The following PSME4 variants were observed in gnomAD, a reference collection of about 807,000 sequenced individuals.
PSME4 encodes the protein proteasome activator subunit 4.
Under a neutral mutation model 253.9 loss-of-function variants are expected in PSME4, and 89 were observed. That is an observed-to-expected ratio of 0.35 (90% CI 0.30 to 0.42). The LOEUF is 0.42. PSME4 is among the 10% of genes least tolerant of loss of function. The probability of loss-of-function intolerance (pLI) is 1.00; values close to 1 mark genes in which losing one functional copy is unlikely to be tolerated. For missense variants in PSME4, 2,014 were observed against 2,195.2 expected (o/e 0.92, Z 1.65); for synonymous variants, 851 against 759.2 (o/e 1.12, Z -1.99).
intron 3 of PSME4, 31 bp downstream of exon 3, chr2:53,948,390 C>A (rs772358517): frequency 2.1e-6 from 3 of 1,451,502 alleles, no homozygotes; most frequent in Admixed American, 1.7e-5. Context: ...CCAAGTACTC[C>A]CAAATAAGTG....
At chr2:53,927,310 G>A (rs780973494) in intron 12 of PSME4, 84 bp downstream of exon 12, 55 of 985,596 alleles carry the variant, frequency 5.6e-5, no homozygotes, top group African/African-American at 6.5e-5. Flanking sequence ...TTCCAAAGTC[G>A]TTTCTAAACT....
chr2:53,908,095 T>C (rs1037797378), intron 24 of PSME4: 23 of 486,510 alleles, frequency 4.7e-5, no homozygotes, highest in Non-Finnish European at 6.9e-5. Flanking sequence ...ATTGAGAGTT[T>C]AGAGACTGTC....
Position 53,931,881 on chromosome 2 carries a change from G to C in PSME4, c.1270C>G (p.Leu424Val), listed in dbSNP as rs1207055752. 1.2e-6 allele frequency: 2 copies of C among 1,614,104 alleles called. No individual in the cohort carries two copies. The highest frequency in any genetic ancestry group is 2.2e-5 in the East Asian group (1 of 44,890). The change falls in exon 10 of 47, where the codon CTT becomes GTT. Residue 424 changes from leucine (L) to valine (V), a missense_variant. Coordinates refer to ENST00000404125, the MANE Select transcript of PSME4 (RefSeq NM_014614.3). ...SLEAAQALQN[L>V]ALMRPELVIP... ...ACCAATTCAGGTCTCATGAGTGCAA[G>C]ATTCTGCAAAGCCTGGGCTGCTTCT...
intron 3 of PSME4, among the ~76,000 whole-genome samples, chr2:53,942,878 G>T (rs1669517213): frequency 6.6e-6 from 1 of 152,164 alleles, no homozygotes; most frequent in African/African-American, 2.4e-5. Flanking sequence ...TCTTGTCCCA[G>T]TTCTTAAGCT....
intron 3 of PSME4, among the ~76,000 whole-genome samples, chr2:53,941,160 T>C (rs1669436908): frequency 6.9e-6 from 1 of 144,656 alleles, no homozygotes; most frequent in South Asian, 2.2e-4. Flanking sequence ...TCACAAATAA[T>C]CAACATATTA....
At chr2:53,923,624 A>G (rs929882605) in intron 14 of PSME4, among the ~76,000 whole-genome samples, 5 of 152,186 alleles carry the variant, frequency 3.3e-5, no homozygotes, top group African/African-American at 1.2e-4. Flanking sequence ...TAACTTGAAC[A>G]AAATATTTTA....
In PSME4 at chr2:53,970,956, G is replaced by T; in HGVS notation, c.-172C>A. On this transcript the variant is annotated 5_prime_UTR_variant, in exon 1 of 47. Coordinates refer to ENST00000404125, the MANE Select transcript of PSME4 (RefSeq NM_014614.3). ...TGGCCGGCGTGCTGCTGGGCCCCACGCGGCTCTCAGTTCGTTGGCGGCGGC... is the reference window on the plus strand; with the variant it reads ...TGGCCGGCGTGCTGCTGGGCCCCACTCGGCTCTCAGTTCGTTGGCGGCGGC... 3.8e-6 allele frequency: 2 copies of T among 521,402 alleles called. No individual in the cohort carries two copies. Among genetic ancestry groups the T allele is most frequent in the South Asian group, 3.6e-5 (1 of 28,140 alleles). The allele number at this position is 521,402 out of a possible 1,614,324, so 32.3% of individuals were successfully genotyped here. A position where few individuals can be genotyped will look rare whatever the true frequency, so the allele number is the denominator to read the frequency against.
chr2:53,885,824 G>T (rs1313752613), intron 40 of PSME4, 49 bp from the exon 41 acceptor site: 3 of 1,346,706 alleles, frequency 2.2e-6, no homozygotes, highest in Non-Finnish European at 3.2e-6. Flanking sequence ...TTCATTTACA[G>T]ACCACAAAGT....
At chr2:53,953,041 G>A (rs1229375267) in intron 1 of PSME4, among the ~76,000 whole-genome samples, 1 of 152,154 alleles carries the variant, frequency 6.6e-6, no homozygotes, top group Non-Finnish European at 1.5e-5. Flanking sequence ...ACCAACAGGG[G>A]GATTCCTGGA....
chr2:53,927,250 T>A, intron 12 of PSME4, 144 bp downstream of exon 12: 1 of 611,070 alleles, frequency 1.6e-6, no homozygotes, highest in Non-Finnish European at 2.9e-6. Context: ...TTGCCAATGA[T>A]GTCCTGGCCC....
At chr2:53,936,454 A>G (rs1304986648) in intron 6 of PSME4, among the ~76,000 whole-genome samples, 3 of 152,216 alleles carry the variant, frequency 2.0e-5, no homozygotes, top group Non-Finnish European at 2.9e-5. Flanking sequence ...TATCCACTAT[A>G]TGTCCAGCAG....
intron 4 of PSME4, 101 bp downstream of exon 4, chr2:53,939,855 A>T: frequency 1.0e-6 from 1 of 1,004,482 alleles, no homozygotes; most frequent in Non-Finnish European, 1.5e-6. Flanking sequence ...TCACAATGTC[A>T]GGAACTATTT....
At chr2:53,910,831 T>C (rs1667798356) in intron 20 of PSME4, among the ~76,000 whole-genome samples, 1 of 152,232 alleles carries the variant, frequency 6.6e-6, no homozygotes, top group African/African-American at 2.4e-5. Flanking sequence ...GTGAAAAATA[T>C]ACCTCAATTT....
chr2:53,870,488 C>T lies in PSME4; in HGVS notation c.5101-950G>A, dbSNP rs181332934. The T allele has an allele frequency of 1.3e-3, 202 of 151,460 alleles. No individual in the cohort carries two copies. In the Middle Eastern group the frequency reaches 0.014, roughly 10 times the overall value. 9.4% of individuals were successfully genotyped at this position (151,460 alleles called of 1,614,324 possible). On this transcript the variant is annotated intron_variant, in intron 43 of 46. Transcript: ENST00000404125. Reference sequence around the variant, plus strand: ...TCTTGGGTTCATGCCATTCTCCTGCCTCATCCTCCCAAGTAGCTGGGACTA... The same window carrying T: ...TCTTGGGTTCATGCCATTCTCCTGCTTCATCCTCCCAAGTAGCTGGGACTA...
In PSME4 at chr2:53,888,208, TGAAA is replaced by T. The variant is rs150480269; in HGVS notation, c.4389-223_4389-220del. The stretch of plus-strand genomic sequence containing the variant: ...CATTTCATCCACACTACTAGAAAAC[TGAAA>T]GAAATACTGACTTAAGAATACTCAC... On this transcript the variant is annotated intron_variant, in intron 38 of 46. Coordinates refer to ENST00000404125, the MANE Select transcript of PSME4 (RefSeq NM_014614.3). The T allele has an allele frequency of 5.1e-3, 1,954 of 382,144 alleles. 37 individuals carry two copies. Among genetic ancestry groups the T allele is most frequent in the African/African-American group, 0.038 (1,815 of 47,784 alleles). The allele number at this position is 382,144 out of a possible 1,614,324, so 23.7% of individuals were successfully genotyped here.
chr2:53,890,381 G>A (rs1201346603), intron 36 of PSME4, among the ~76,000 whole-genome samples, 173 bp from the exon 37 acceptor site: 3 of 152,030 alleles, frequency 2.0e-5, no homozygotes, highest in Admixed American at 6.5e-5. Flanking sequence ...ATCATACCTC[G>A]ATGTAGCCTT....
At chr2:53,912,523 T>A (rs1329970723) in intron 20 of PSME4, among the ~76,000 whole-genome samples, 4 of 152,220 alleles carry the variant, frequency 2.6e-5, no homozygotes, top group Non-Finnish European at 5.9e-5. Flanking sequence ...AATGGTACGA[T>A]CATGGCTCAC....
intron 20 of PSME4, among the ~76,000 whole-genome samples, chr2:53,914,088 T>G (rs910705231): frequency 6.6e-6 from 1 of 152,170 alleles, no homozygotes; most frequent in African/African-American, 2.4e-5. Context: ...ATGATTTAAC[T>G]AAAAATGACG....
intron 37 of PSME4, among the ~76,000 whole-genome samples, chr2:53,889,357 T>C (rs1679792460): frequency 6.6e-6 from 1 of 152,158 alleles, no homozygotes; most frequent in African/African-American, 2.4e-5. Flanking sequence ...CTCTAGAGTA[T>C]TTGTAATACC....
Sources: gnomAD v4.1 joint callset for allele counts (sites outside exome capture counted in the v4.1 genomes callset) on GRCh38, gnomAD v4.1.1 for gene constraint, MANE v1.5 for transcripts, NCBI Gene and HGNC (gene_info 2026-07-23, HGNC 2026-07-21) for gene names.